CLMN: variants seen among roughly 807,000 people sequenced by gnomAD.
The protein encoded by CLMN is calmin.
Under a neutral mutation model 92.7 loss-of-function variants are expected in CLMN, and 57 were observed. The ratio of observed to expected loss-of-function variants is 0.61; its 90% CI spans 0.50 to 0.77. The LOEUF (loss-of-function observed/expected upper bound fraction) is 0.77, where lower values mean the gene tolerates loss of function less well. Among genes scored for constraint, CLMN ranks in the 30% least tolerant of loss-of-function variants. The pLI, the probability that CLMN is intolerant of heterozygous loss-of-function variation, is 0.00. For missense variants in CLMN, 1,158 were observed against 1,237.5 expected (o/e 0.94, Z 0.96); for synonymous variants, 466 against 470.6 (o/e 0.99, Z 0.13).
Position 95,188,651 on chromosome 14 carries a change from A to T in CLMN, c.*2913T>A, listed in dbSNP as rs1896492760. ...AAGAAATTTCCCATGAAGGCCCAGC[A>T]CAAGGTTTAACACCCGGGATACAAC... is the stretch of plus-strand genomic sequence containing the variant. On this transcript the variant is annotated 3_prime_UTR_variant, in exon 13 of 13. Coordinates refer to ENST00000298912, the MANE Select transcript of CLMN (RefSeq NM_024734.4). 1 of 152,220 alleles carries T rather than the reference A, an allele frequency of 6.6e-6. No individual in the cohort carries two copies. Among genetic ancestry groups the T allele is most frequent in the Admixed American group, 6.5e-5 (1 of 15,284 alleles). 9.4% of individuals were successfully genotyped at this position (152,220 alleles called of 1,614,324 possible). A position where few individuals can be genotyped will look rare whatever the true frequency, so the allele number is the denominator to read the frequency against.
At position 95,315,480 on chromosome 14, in the gene CLMN, C is replaced by A. The variant is rs919026994; in HGVS notation, c.82+4231G>T. 2.0e-5 allele frequency among the ~76,000 whole-genome samples: 3 copies of A among 152,138 alleles called. No individual in the cohort carries two copies. The South Asian group carries it at 6.2e-4, about 32-fold the overall frequency. On this transcript the variant is annotated intron_variant, in intron 1 of 12. Coordinates refer to ENST00000298912, the MANE Select transcript of CLMN (RefSeq NM_024734.4). ...AAAGCCGTAAAGAAGTCAGTGACTG[C>A]GGAGTCCAAGTTCGCATGAGGGACA...
intron 1 of CLMN, among the ~76,000 whole-genome samples, chr14:95,316,039 A>C (rs1277660996): frequency 2.0e-5 from 3 of 152,202 alleles, no homozygotes; most frequent in Admixed American, 6.5e-5. Flanking sequence ...AACTGGTGGA[A>C]CACTGAGCTG....
intron 1 of CLMN, among the ~76,000 whole-genome samples, chr14:95,233,563 AGCATTCATGGAATCT>A (rs1333576592): frequency 1.3e-5 from 2 of 152,256 alleles, no homozygotes; most frequent in Non-Finnish European, 2.9e-5. Context: ...TGAAGAATTA[AGCATTCATGGAATCT>A]GCACTCCAAG....
At position 95,183,981 on chromosome 14, in the gene CLMN, G is replaced by A. The variant is rs1270677211; in HGVS notation, c.*7583C>T. ...CCTGAGTTAGATTTGAGACAGGGTA[G>A]CTCAGAAAAAAGTAATGGATTGGAG... On this transcript the variant is annotated 3_prime_UTR_variant, in exon 13 of 13. Transcript: ENST00000298912. 1 of 152,166 alleles carries A rather than the reference G, an allele frequency of 6.6e-6. No homozygotes were observed. The highest frequency in any genetic ancestry group is 1.5e-5 in the Non-Finnish European group (1 of 68,042). 9.4% of individuals were successfully genotyped at this position (152,166 alleles called of 1,614,324 possible). A position where few individuals can be genotyped will look rare whatever the true frequency, so the allele number is the denominator to read the frequency against.
chr14:95,189,479 A>C lies in CLMN; in HGVS notation c.*2085T>G, dbSNP rs888709795. On this transcript the variant is annotated 3_prime_UTR_variant, in exon 13 of 13. Coordinates refer to ENST00000298912, the MANE Select transcript of CLMN (RefSeq NM_024734.4). The stretch of plus-strand genomic sequence containing the variant: ...GAGATTTTTTTTTCCTTTGCAAAAT[A>C]TCAGTTGACTGCCAACCTGAACCAA... 4.6e-5 allele frequency: 7 copies of C among 152,164 alleles called. No homozygotes were observed. Among genetic ancestry groups the C allele is most frequent in the African/African-American group, 1.7e-4 (7 of 41,442 alleles). 9.4% of individuals were successfully genotyped at this position (152,164 alleles called of 1,614,324 possible).
At chr14:95,213,090 G>C (rs370305939) in intron 6 of CLMN, 129 bp downstream of exon 6, 5 of 1,052,268 alleles carry the variant, frequency 4.8e-6, no homozygotes, top group Non-Finnish European at 2.7e-6. Flanking sequence ...CCTGCCCCCT[G>C]TTCTGATATT....
At chr14:95,245,886 G>A (rs1215006493) in intron 1 of CLMN, among the ~76,000 whole-genome samples, 1 of 145,092 alleles carries the variant, frequency 6.9e-6, no homozygotes, top group Non-Finnish European at 1.5e-5. Context: ...ATGGATGGAT[G>A]GATGGACACA....
chr14:95,245,244 A>AT (rs1443475701), intron 1 of CLMN, among the ~76,000 whole-genome samples: 25 of 37,956 alleles, frequency 6.6e-4, no homozygotes, highest in African/African-American at 1.3e-3. Context: ...TATATTATAT[A>AT]TATATATATA....
At position 95,194,437 on chromosome 14, in the gene CLMN, A is replaced by G. The variant is rs547930523; in HGVS notation, c.2769+99T>C. The G allele has an allele frequency of 6.3e-7, 1 of 1,596,012 alleles. No individual in the cohort carries two copies. The highest frequency in any genetic ancestry group is 8.5e-7 in the Non-Finnish European group (1 of 1,169,632). Reference sequence around the variant, plus strand: ...TTCTATCCAAAAGTATAGCTGTTGCATGCCAGTAATTTCAAAGCTCTGGGC... The same window carrying G: ...TTCTATCCAAAAGTATAGCTGTTGCGTGCCAGTAATTTCAAAGCTCTGGGC... On this transcript the variant is annotated intron_variant, in intron 11 of 12. Coordinates refer to ENST00000298912, the MANE Select transcript of CLMN (RefSeq NM_024734.4). This position sits in a 1 kb window ranked among gnomAD's most constrained non-coding sequence, Gnocchi z 4.0.
intron 2 of CLMN, among the ~76,000 whole-genome samples, chr14:95,227,742 T>C (rs1320740172): frequency 1.3e-5 from 2 of 152,190 alleles, no homozygotes; most frequent in Non-Finnish European, 2.9e-5. Context: ...ATGAGATTGG[T>C]ATGGCCGAAT....
chr14:95,261,091 T>G (rs969440033), intron 1 of CLMN, among the ~76,000 whole-genome samples: 1 of 151,414 alleles, frequency 6.6e-6, no homozygotes, highest in East Asian at 1.9e-4. Context: ...ACTGAACACA[T>G]GTATTTTCTC....
At chr14:95,239,946 A>AT (rs1322618672) in intron 1 of CLMN, among the ~76,000 whole-genome samples, 1 of 152,116 alleles carries the variant, frequency 6.6e-6, no homozygotes, top group African/African-American at 2.4e-5. Context: ...TTTTATATCT[A>AT]TTTTTTACTG....
intron 1 of CLMN, among the ~76,000 whole-genome samples, chr14:95,286,476 G>A (rs1488674895): frequency 6.6e-6 from 1 of 152,162 alleles, no homozygotes; most frequent in Non-Finnish European, 1.5e-5. Context: ...GGAGATAGAG[G>A]GATGGTAAAT....
intron 2 of CLMN, among the ~76,000 whole-genome samples, chr14:95,224,612 G>A (rs1389260968): frequency 6.6e-6 from 1 of 152,176 alleles, no homozygotes; most frequent in East Asian, 1.9e-4. Flanking sequence ...GGAAACTGAG[G>A]CTCAAAGAGG....
intron 1 of CLMN, among the ~76,000 whole-genome samples, chr14:95,273,873 G>A (rs985313820): frequency 2.6e-5 from 4 of 152,060 alleles, no homozygotes; most frequent in African/African-American, 7.2e-5. Flanking sequence ...TAAACCGATC[G>A]TACATGAACC....
At chr14:95,221,247 T>A (rs1399138132) in intron 4 of CLMN, among the ~76,000 whole-genome samples, 4 of 152,168 alleles carry the variant, frequency 2.6e-5, no homozygotes, top group Admixed American at 2.0e-4. Context: ...GAAAGTTACA[T>A]CAAGAATGGG....
intron 1 of CLMN, among the ~76,000 whole-genome samples, chr14:95,265,526 G>A (rs1340186795): frequency 6.6e-6 from 1 of 152,194 alleles, no homozygotes; most frequent in Non-Finnish European, 1.5e-5. Context: ...CCTCTTGGCT[G>A]TTTCTCTGGA....
At chr14:95,253,570 A>G (rs954417687) in intron 1 of CLMN, among the ~76,000 whole-genome samples, 3 of 151,970 alleles carry the variant, frequency 2.0e-5, no homozygotes, top group African/African-American at 4.8e-5. Flanking sequence ...GTCATGTCAT[A>G]AGAATGACCT....
intron 8 of CLMN, among the ~76,000 whole-genome samples, chr14:95,207,620 T>A (rs764279404): frequency 6.6e-6 from 1 of 152,216 alleles, no homozygotes. Flanking sequence ...ATTTTACAGG[T>A]GACACACATT....
Sources: gnomAD v4.1 joint callset for allele counts (sites outside exome capture counted in the v4.1 genomes callset) on GRCh38, gnomAD v4.1.1 for gene constraint, Gnocchi (gnomAD v3.1) non-coding constraint, MANE v1.5 for transcripts, NCBI Gene and HGNC (gene_info 2026-07-23, HGNC 2026-07-21) for gene names.